PTK2: variants seen among roughly 807,000 people sequenced by gnomAD.
PTK2 encodes focal adhesion kinase 1.
A neutral mutation model predicts 150.1 loss-of-function variants in PTK2; 45 were observed. The observed-to-expected ratio is 0.30, with a 90% CI of 0.24 to 0.38. The LOEUF (loss-of-function observed/expected upper bound fraction) is 0.38. Among genes scored for constraint, PTK2 ranks in the 10% least tolerant of loss-of-function variants. The probability of loss-of-function intolerance (pLI) is 1.00; values close to 1 mark genes in which losing one functional copy is unlikely to be tolerated. For missense variants in PTK2, 919 were observed against 1,307.3 expected, an observed-to-expected ratio of 0.70 and a Z score of 4.58; for synonymous variants, 432 against 449.2, an observed-to-expected ratio of 0.96 and a Z score of 0.48.
intron 1 of PTK2, among the ~76,000 whole-genome samples, chr8:140,967,214 G>C (rs1212202850): frequency 1.3e-5 from 2 of 152,182 alleles, no homozygotes; most frequent in East Asian, 3.8e-4. Context: ...AAATCATGCT[G>C]CTATTCTTGC....
chr8:140,725,856 A>C (rs1017864826), intron 22 of PTK2, among the ~76,000 whole-genome samples: 4 of 151,848 alleles, frequency 2.6e-5, no homozygotes, highest in Admixed American at 6.6e-5. Context: ...AAAAAAAAAA[A>C]AACCCATAAA....
chr8:141,000,263 G>A (rs2100199583), intron 1 of PTK2, among the ~76,000 whole-genome samples: 1 of 152,210 alleles, frequency 6.6e-6, no homozygotes, highest in African/African-American at 2.4e-5. Context: ...GAAGCACAAT[G>A]ACTCCAGTGA....
exon 31 of PTK2, chr8:140,664,949 T>C (rs1256274797): frequency 6.2e-7 from 1 of 1,613,342 alleles, no homozygotes; most frequent in African/African-American, 1.3e-5. Flanking sequence ...AGGAGGGGAA[T>C]GGTCTCATCC....
exon 4 of PTK2, chr8:140,879,545 G>A: frequency 6.2e-7 from 1 of 1,613,870 alleles, no homozygotes. Context: ...CGTGAAGCCA[G>A]TGAACCTCCT....
intron 8 of PTK2, among the ~76,000 whole-genome samples, chr8:140,828,026 G>A (rs1701409239): frequency 6.6e-6 from 1 of 152,062 alleles, no homozygotes; most frequent in African/African-American, 2.4e-5. Context: ...AATTAGCCAG[G>A]TGTGGTGGCA....
intron 6 of PTK2, 133 bp downstream of exon 6, chr8:140,846,466 T>C: frequency 8.6e-7 from 1 of 1,156,368 alleles, no homozygotes; most frequent in Non-Finnish European, 1.3e-6. Context: ...AAACCAATAG[T>C]TCATAATTTA....
intron 1 of PTK2, among the ~76,000 whole-genome samples, chr8:140,937,159 C>A (rs2100173925): frequency 6.6e-6 from 1 of 152,144 alleles, no homozygotes; most frequent in Admixed American, 6.5e-5. Flanking sequence ...TTAAAATATA[C>A]ACCTAATTTG....
intron 22 of PTK2, among the ~76,000 whole-genome samples, chr8:140,719,886 CCAAAAA>C (rs2100041848): frequency 2.5e-5 from 1 of 40,182 alleles, no homozygotes; most frequent in African/African-American, 2.0e-4. Flanking sequence ...ACTTGTCTCA[CCAAAAA>C]AAAAAAAAAA....
intron 12 of PTK2, among the ~76,000 whole-genome samples, chr8:140,795,221 T>C (rs2100090873): frequency 6.6e-6 from 1 of 152,172 alleles, no homozygotes. Flanking sequence ...AGAGTACTTA[T>C]TCTAGAACAT....
At chr8:140,894,199 T>C (rs1430113364) in intron 2 of PTK2, among the ~76,000 whole-genome samples, 3 of 152,150 alleles carry the variant, frequency 2.0e-5, no homozygotes, top group Admixed American at 1.3e-4. Flanking sequence ...GCATGCTTCC[T>C]CTCTCTGCTC....
At chr8:140,853,620 C>T (rs2100130754) in intron 5 of PTK2, among the ~76,000 whole-genome samples, 1 of 152,082 alleles carries the variant, frequency 6.6e-6, no homozygotes. Context: ...TTCCAAGTCT[C>T]TGCTGTTGTG....
At chr8:140,675,347 T>C (rs2100013031) in intron 28 of PTK2, 113 bp downstream of exon 31, 5 of 1,152,940 alleles carry the variant, frequency 4.3e-6, no homozygotes, top group East Asian at 2.5e-5. Context: ...CTGTGGTCTG[T>C]AGAGGAAAAA....
intron 1 of PTK2, among the ~76,000 whole-genome samples, chr8:140,956,966 C>T (rs2100181421): frequency 6.6e-6 from 1 of 152,038 alleles, no homozygotes; most frequent in African/African-American, 2.4e-5. Flanking sequence ...GAGGCTGAGG[C>T]AGGAGAATCA....
chr8:140,864,959 C>T (rs2100138408), intron 4 of PTK2, among the ~76,000 whole-genome samples: 1 of 152,176 alleles, frequency 6.6e-6, no homozygotes, highest in Non-Finnish European at 1.5e-5. Flanking sequence ...ATAACAAATA[C>T]ATCCATTAGC....
intron 27 of PTK2, among the ~76,000 whole-genome samples, chr8:140,678,993 T>C (rs1031381298): frequency 7.0e-6 from 1 of 142,992 alleles, no homozygotes; most frequent in Non-Finnish European, 1.5e-5. Flanking sequence ...GCCAGCTGAG[T>C]GCTCCCCATG....
intron 5 of PTK2, among the ~76,000 whole-genome samples, chr8:140,852,428 TACAC>T (rs142186413): frequency 2.6e-5 from 4 of 151,784 alleles, no homozygotes; most frequent in East Asian, 3.9e-4. Context: ...TGCACAGAAT[TACAC>T]ACACACACAC....
chr8:140,974,092 T>C (rs2100188390), intron 1 of PTK2, among the ~76,000 whole-genome samples: 1 of 152,148 alleles, frequency 6.6e-6, no homozygotes, highest in Admixed American at 6.6e-5. Flanking sequence ...ATCCCTAAAT[T>C]ACATGTAATA....
chr8:140,964,367 C>T (rs574682139), intron 1 of PTK2, among the ~76,000 whole-genome samples: 10 of 151,800 alleles, frequency 6.6e-5, no homozygotes, highest in African/African-American at 2.4e-4. Context: ...CACACCATCA[C>T]GCGCCAGCTA....
At chr8:140,936,036 C>T (rs1014311869) in intron 1 of PTK2, among the ~76,000 whole-genome samples, 1 of 152,038 alleles carries the variant, frequency 6.6e-6, no homozygotes, top group African/African-American at 2.4e-5. Flanking sequence ...ATAAGCCAGG[C>T]ATGGTGGCAT....
Sources: allele counts gnomAD v4.1 joint callset (sites outside exome capture counted in the v4.1 genomes callset), GRCh38; gene constraint gnomAD v4.1.1; transcripts MANE v1.5; gene names NCBI Gene and HGNC (gene_info 2026-07-23, HGNC 2026-07-21).